Variants in MYO5A observed in about 807,000 individuals in gnomAD.
The protein encoded by MYO5A is myosin VA.
A neutral mutation model predicts 249.7 loss-of-function variants in MYO5A; 98 were observed. The ratio of observed to expected loss-of-function variants is 0.39; its 90% CI spans 0.33 to 0.46. MYO5A has a LOEUF of 0.46. MYO5A is among the 20% of genes least tolerant of loss of function. The pLI, the probability that MYO5A is intolerant of heterozygous loss-of-function variation, is 0.98. For missense variants in MYO5A, 1,696 were observed against 2,308.8 expected, an observed-to-expected ratio of 0.73 and a Z score of 5.44; for synonymous variants, 778 against 810.6, an observed-to-expected ratio of 0.96 and a Z score of 0.68.
intron 36 of MYO5A, 29 bp from the exon 37 acceptor site, chr15:52,323,473 CT>C: frequency 6.4e-7 from 1 of 1,572,464 alleles, no homozygotes; most frequent in Non-Finnish European, 8.7e-7. Flanking sequence ...CTAAACTTGC[CT>C]TTTCCTTAGG....
At chr15:52,527,359 A>G (rs2077747151) in intron 1 of MYO5A, among the ~76,000 whole-genome samples, 1 of 151,802 alleles carries the variant, frequency 6.6e-6, no homozygotes, top group Non-Finnish European at 1.5e-5. Flanking sequence ...TCAGTTTCCA[A>G]TTGCATTCGT....
chr15:52,378,025 ATT>A (rs1187272602), intron 18 of MYO5A, among the ~76,000 whole-genome samples: 1 of 152,222 alleles, frequency 6.6e-6, no homozygotes, highest in African/African-American at 2.4e-5. Context: ...TAAAGTTTAC[ATT>A]GGAAACCTAG....
At chr15:52,359,077 T>C (rs1365948727) in intron 25 of MYO5A, among the ~76,000 whole-genome samples, 2 of 152,244 alleles carry the variant, frequency 1.3e-5, no homozygotes, top group Non-Finnish European at 2.9e-5. Flanking sequence ...AGCCTTCTTG[T>C]ATGTATGATT....
chr15:52,468,323 G>C (rs1330709595), intron 1 of MYO5A, among the ~76,000 whole-genome samples: 1 of 152,080 alleles, frequency 6.6e-6, no homozygotes, highest in African/African-American at 2.4e-5. Context: ...AAATTAAAAA[G>C]ATGTGCAGTC....
chr15:52,355,502 A>C lies in MYO5A; in HGVS notation c.3424-1488T>G, dbSNP rs377435797. ...GACTGCTGAAATAGACATAAAGCCC[A>C]GCCTTGGCTCTGCAGATAGACCTGT... On this transcript the variant is annotated intron_variant, in intron 25 of 41. Transcript: ENST00000399233. Among the ~76,000 whole-genome samples, 761 of 152,374 alleles carry C rather than the reference A, an allele frequency of 5.0e-3. 8 individuals carry two copies. Among genetic ancestry groups the C allele is most frequent in the African/African-American group, 0.018 (736 of 41,598 alleles).
intron 22 of MYO5A, among the ~76,000 whole-genome samples, chr15:52,367,621 G>A (rs546583133): frequency 3.3e-5 from 5 of 152,246 alleles, no homozygotes; most frequent in African/African-American, 1.2e-4. Flanking sequence ...AGATTAAGGA[G>A]GTTAAGAAGG....
intron 10 of MYO5A, 21 bp downstream of exon 10, chr15:52,397,180 C>A: frequency 6.2e-7 from 1 of 1,612,900 alleles, no homozygotes; most frequent in Non-Finnish European, 8.5e-7. Context: ...TCTGGCAGAC[C>A]AATTAGCCAA....
chr15:52,421,380 G>T (rs776984657), intron 4 of MYO5A, among the ~76,000 whole-genome samples: 2 of 152,118 alleles, frequency 1.3e-5, no homozygotes, highest in Non-Finnish European at 2.9e-5. Flanking sequence ...TAGACATAAG[G>T]CCACATAATG....
intron 4 of MYO5A, among the ~76,000 whole-genome samples, chr15:52,420,076 C>T (rs182823523): frequency 6.6e-6 from 1 of 152,146 alleles, no homozygotes; most frequent in African/African-American, 2.4e-5. Flanking sequence ...GAAGGTGAGG[C>T]AGGAGGATCA....
At chr15:52,378,013 A>G (rs2041514087) in intron 18 of MYO5A, among the ~76,000 whole-genome samples, 1 of 152,206 alleles carries the variant, frequency 6.6e-6, no homozygotes, top group Non-Finnish European at 1.5e-5. Flanking sequence ...AATTTAAATC[A>G]ATAAAGTTTA....
intron 1 of MYO5A, among the ~76,000 whole-genome samples, chr15:52,478,003 C>A (rs2076633623): frequency 6.6e-6 from 1 of 152,226 alleles, no homozygotes; most frequent in South Asian, 2.1e-4. Context: ...ATGCCCTGCC[C>A]CCAGAGGTGG....
chr15:52,481,446 C>T (rs562747653), intron 1 of MYO5A, among the ~76,000 whole-genome samples: 1 of 152,198 alleles, frequency 6.6e-6, no homozygotes, highest in South Asian at 2.1e-4. Flanking sequence ...AGATGTTTTC[C>T]CTTCCCTCAA....
chr15:52,367,699 G>A (rs2040879936), intron 22 of MYO5A, among the ~76,000 whole-genome samples: 1 of 152,114 alleles, frequency 6.6e-6, no homozygotes, highest in Non-Finnish European at 1.5e-5. Flanking sequence ...TGTCAAGAAA[G>A]AGAATTTCTC....
chr15:52,504,178 A>T (rs566340111), intron 1 of MYO5A, among the ~76,000 whole-genome samples: 1 of 151,488 alleles, frequency 6.6e-6, no homozygotes, highest in African/African-American at 2.4e-5. Flanking sequence ...TAGAAAACTG[A>T]TATGTTTCTA....
At chr15:52,497,176 G>A (rs935627564) in intron 1 of MYO5A, among the ~76,000 whole-genome samples, 13 of 151,982 alleles carry the variant, frequency 8.6e-5, no homozygotes, top group African/African-American at 3.1e-4. Context: ...GGCCTAGGCT[G>A]GTCTCAAACT....
At chr15:52,428,277 G>A (rs184340589) in intron 3 of MYO5A, 121 bp downstream of exon 3, 91 of 1,008,898 alleles carry the variant, frequency 9.0e-5, no homozygotes, top group Middle Eastern at 5.3e-4. Flanking sequence ...TAACGCTCAA[G>A]TGATTTTGTC....
chr15:52,311,354 A>G lies in MYO5A; in HGVS notation c.*2342T>C, dbSNP rs1190746176. 1 of 152,180 alleles carries G rather than the reference A, an allele frequency of 6.6e-6. No individual in the cohort carries two copies. Among genetic ancestry groups the G allele is most frequent in the Admixed American group, 6.5e-5 (1 of 15,274 alleles). 9.4% of individuals were successfully genotyped at this position (152,180 alleles called of 1,614,324 possible). ...TTAGCAACTCCCCAACTTACAGCCT[A>G]TCGGATGCTGTTAGATTCTGACACA... On this transcript the variant is annotated 3_prime_UTR_variant, in exon 42 of 42. Transcript: ENST00000399233.
intron 10 of MYO5A, 109 bp downstream of exon 10, chr15:52,397,092 T>G: frequency 1.5e-6 from 2 of 1,338,344 alleles, no homozygotes; most frequent in Non-Finnish European, 2.1e-6. Context: ...TAGGCAAAGT[T>G]TCCCTTCTCT....
At chr15:52,348,793 TAA>T (rs11386962) in intron 29 of MYO5A, 23 bp downstream of exon 29, 110 of 1,234,728 alleles carry the variant, frequency 8.9e-5, no homozygotes, top group Middle Eastern at 2.6e-4. Context: ...AAGTATTTAC[TAA>T]AAAAAAAAAA....
Sources: allele counts gnomAD v4.1 joint callset (sites outside exome capture counted in the v4.1 genomes callset), GRCh38; gene constraint gnomAD v4.1.1; transcripts MANE v1.5; gene names NCBI Gene and HGNC (gene_info 2026-07-23, HGNC 2026-07-21).